Variants in ANKRD30B observed in about 807,000 individuals in gnomAD.
ANKRD30B encodes ankyrin repeat domain-containing protein 30B.
Under a neutral mutation model 202.2 loss-of-function variants are expected in ANKRD30B, and 144 were observed. The observed-to-expected ratio is 0.71, with a 90% CI of 0.62 to 0.82. ANKRD30B has a LOEUF of 0.82. Ranked by LOEUF, ANKRD30B falls within the 40% of genes least tolerant of loss-of-function variation. ANKRD30B has a pLI of 0.00. For missense variants in ANKRD30B, 1,487 were observed against 1,669.1 expected (o/e 0.89, Z 1.90); for synonymous variants, 508 against 561.3 (o/e 0.91, Z 1.34).
the ANKRD30B span, among the ~76,000 whole-genome samples, chr18:14,862,878 C>G: frequency 6.6e-6 from 1 of 152,202 alleles, no homozygotes; most frequent in Non-Finnish European, 1.5e-5. Context: ...TATTTTGGAG[C>G]TTGAAGGTTT....
chr18:14,776,022 G>A (rs1359351294), intron 9 of ANKRD30B, among the ~76,000 whole-genome samples: 1 of 152,202 alleles, frequency 6.6e-6, no homozygotes, highest in Non-Finnish European at 1.5e-5. Flanking sequence ...AATGATCAAA[G>A]TGGCATTTAT....
At chr18:14,799,069 A>T in intron 20 of ANKRD30B, 32 bp from the exon 21 acceptor site, 1 of 1,543,542 alleles carries the variant, frequency 6.5e-7, no homozygotes, top group Non-Finnish European at 8.9e-7. Flanking sequence ...AAGCTTGCAT[A>T]TAATCAATTA....
At chr18:14,807,387 C>G (rs1234537963) in intron 24 of ANKRD30B, among the ~76,000 whole-genome samples, 1 of 150,424 alleles carries the variant, frequency 6.6e-6, no homozygotes. Flanking sequence ...TTAGTTTTAG[C>G]AAAGCAAAGC....
chr18:14,826,384 C>T (rs1970658322), intron 32 of ANKRD30B, among the ~76,000 whole-genome samples: 1 of 152,060 alleles, frequency 6.6e-6, no homozygotes, highest in Non-Finnish European at 1.5e-5. Flanking sequence ...ACAAGTTCTA[C>T]AGTGGTAATC....
At chr18:14,908,005 C>T in the ANKRD30B span, among the ~76,000 whole-genome samples, 31 of 152,148 alleles carry the variant, frequency 2.0e-4, no homozygotes, top group Admixed American at 1.0e-3. Context: ...CATATACGTG[C>T]GCAGGAGTCA....
chr18:14,860,430 G>A, the ANKRD30B span, among the ~76,000 whole-genome samples: 52 of 117,100 alleles, frequency 4.4e-4, 1 homozygote, highest in African/African-American at 1.4e-3. Context: ...TGGGGCAGCC[G>A]GGAAGAGGCA....
chr18:14,748,199 C>T lies in ANKRD30B; in HGVS notation c.-221C>T. ...AACGCTCTAACGTTAGAGCAGCTAA[C>T]GGCTCTGCTCAGAATTTCTCCCGAC... On this transcript the variant is annotated 5_prime_UTR_variant, in exon 1 of 44. The change creates a new upstream start codon in the 5' untranslated region. Coordinates refer to ENST00000690538, the MANE Select transcript of ANKRD30B (RefSeq NM_001367607.2). 1 of 441,494 alleles carries T rather than the reference C, an allele frequency of 2.3e-6. No homozygotes were observed. Among genetic ancestry groups the T allele is most frequent in the Admixed American group, 3.9e-5 (1 of 25,630 alleles). The allele number at this position is 441,494 out of a possible 1,614,324, so 27.3% of individuals were successfully genotyped here. A position where few individuals can be genotyped will look rare whatever the true frequency, so the allele number is the denominator to read the frequency against.
chr18:14,796,125 G>T (rs1968870591), intron 16 of ANKRD30B, 96 bp from the exon 17 acceptor site: 3 of 1,298,848 alleles, frequency 2.3e-6, no homozygotes, highest in Non-Finnish European at 3.3e-6. Flanking sequence ...TTCAATCCAA[G>T]CATGAGGATT....
At chr18:14,842,783 A>C in intron 37 of ANKRD30B, 114 bp from the exon 38 acceptor site, 2 of 1,026,960 alleles carry the variant, frequency 1.9e-6, no homozygotes, top group East Asian at 2.7e-5. Flanking sequence ...CCTAAACCTA[A>C]AGGAATCATT....
chr18:14,752,544 A>C, intron 1 of ANKRD30B, 22 bp from the exon 2 acceptor site: 1 of 1,595,866 alleles, frequency 6.3e-7, no homozygotes, highest in South Asian at 1.1e-5. Flanking sequence ...TACTTTGCCT[A>C]AAAGTCCTCT....
chr18:14,825,658 A>G (rs1970628194), intron 32 of ANKRD30B, among the ~76,000 whole-genome samples: 1 of 151,976 alleles, frequency 6.6e-6, no homozygotes, highest in Non-Finnish European at 1.5e-5. Flanking sequence ...TCTATTTCCT[A>G]TAACTATCTT....
At position 14,808,639 on chromosome 18, in the gene ANKRD30B, T is replaced by C. The variant is rs1969708945; in HGVS notation, c.2314-33T>C. On this transcript the variant is annotated intron_variant, in intron 25 of 43. Coordinates refer to ENST00000690538, the MANE Select transcript of ANKRD30B (RefSeq NM_001367607.2). Reference sequence around the variant, plus strand: ...CTACATATTTTTGAAGTATACATTATATATTAATTTTTGTGTTTCCAAACC... The same window carrying C: ...CTACATATTTTTGAAGTATACATTACATATTAATTTTTGTGTTTCCAAACC... 6 of 1,557,478 alleles carry C rather than the reference T, an allele frequency of 3.9e-6. No individual in the cohort carries two copies. The East Asian group carries it at 1.5e-4, about 38-fold the overall frequency.
chr18:14,848,492 A>AAT (rs1443981199), intron 39 of ANKRD30B, among the ~76,000 whole-genome samples: 1 of 151,984 alleles, frequency 6.6e-6, no homozygotes, highest in African/African-American at 2.4e-5. Flanking sequence ...CTGAATTTAT[A>AAT]ATTGTAACTT....
intron 32 of ANKRD30B, among the ~76,000 whole-genome samples, chr18:14,826,064 G>A (rs1163328221): frequency 2.6e-5 from 4 of 151,848 alleles, no homozygotes; most frequent in African/African-American, 7.3e-5. Flanking sequence ...TGGTTTATAC[G>A]TATTTCTAGC....
rs776821564 is a variant in ANKRD30B at position 14,822,527 on chromosome 18, T to G, written c.2670+16T>G. ...TCTTCTGAAGGTAATAACTTTTATA[T>G]TTTTATCTTGAATATTAACTACTTA... On this transcript the variant is annotated intron_variant, in intron 31 of 43. Coordinates refer to ENST00000690538, the MANE Select transcript of ANKRD30B (RefSeq NM_001367607.2). 6.2e-6 allele frequency: 8 copies of G among 1,299,306 alleles called. No individual in the cohort carries two copies. Among genetic ancestry groups the G allele is most frequent in the Non-Finnish European group, 8.8e-6 (8 of 909,952 alleles). 80.5% of individuals were successfully genotyped at this position (1,299,306 alleles called of 1,614,324 possible).
intron 30 of ANKRD30B, among the ~76,000 whole-genome samples, chr18:14,818,268 C>T (rs1413826181): frequency 6.6e-6 from 1 of 151,890 alleles, no homozygotes. Context: ...TTTCAGTAAC[C>T]ATTATTCTAA....
intron 1 of ANKRD30B, among the ~76,000 whole-genome samples, chr18:14,750,720 G>A (rs139265121): frequency 0.061 from 9,257 of 151,976 alleles, 391 homozygotes; most frequent in Admixed American, 0.13. Flanking sequence ...TTACAGCATG[G>A]GATAATATGT....
chr18:14,771,440 T>C (rs1247823361), intron 8 of ANKRD30B, among the ~76,000 whole-genome samples: 1 of 152,212 alleles, frequency 6.6e-6, no homozygotes, highest in Non-Finnish European at 1.5e-5. Context: ...TATGTAGACC[T>C]GAACAAGGAA....
chr18:14,755,515 C>A (rs1466457293), intron 4 of ANKRD30B, among the ~76,000 whole-genome samples: 2 of 152,054 alleles, frequency 1.3e-5, no homozygotes, highest in Non-Finnish European at 2.9e-5. Flanking sequence ...CGTCATTTAG[C>A]ATTAGGTATA....
Sources: gnomAD v4.1 joint callset for allele counts (sites outside exome capture counted in the v4.1 genomes callset) on GRCh38, gnomAD v4.1.1 for gene constraint, MANE v1.5 for transcripts, NCBI Gene and HGNC (gene_info 2026-07-23, HGNC 2026-07-21) for gene names.